C12orf42: variants seen among roughly 807,000 people sequenced by gnomAD.
C12orf42 encodes uncharacterized protein C12orf42.
In C12orf42, 25 loss-of-function variants were observed where a neutral mutation model predicts 21.6. That is an observed-to-expected ratio of 1.16 (90% CI 0.84 to 1.62). The LOEUF (loss-of-function observed/expected upper bound fraction) is 1.62, where lower values mean the gene tolerates loss of function less well. C12orf42 is among the 40% of genes most tolerant of loss of function. The pLI is 0.00. For synonymous variants in C12orf42, 174 were observed against 175.0 expected (o/e 0.99, Z 0.05); for missense variants, 483 against 459.3 (o/e 1.05, Z -0.47).
chr12:103,489,188 C>G (rs1308610975), intron 1 of C12orf42, among the ~76,000 whole-genome samples: 1 of 152,078 alleles, frequency 6.6e-6, no homozygotes, highest in East Asian at 1.9e-4. Flanking sequence ...TTTAGTTTTC[C>G]TTCTAAAAGT....
chr12:103,379,649 T>G (rs2045999094), intron 3 of C12orf42, among the ~76,000 whole-genome samples: 1 of 152,234 alleles, frequency 6.6e-6, no homozygotes, highest in African/African-American at 2.4e-5. Context: ...AATGATTTAT[T>G]ACAATACACT....
intron 2 of C12orf42, among the ~76,000 whole-genome samples, chr12:103,462,173 T>A (rs1952779484): frequency 7.2e-6 from 1 of 139,582 alleles, no homozygotes; most frequent in Non-Finnish European, 1.5e-5. Flanking sequence ...AATGGTGCGA[T>A]CTCCACTCAC....
chr12:103,424,443 G>A (rs552522221), intron 2 of C12orf42, among the ~76,000 whole-genome samples: 22 of 152,296 alleles, frequency 1.4e-4, no homozygotes, highest in South Asian at 1.0e-3. Flanking sequence ...CACAGAAGGC[G>A]GGTGATTTCT....
At chr12:103,199,190 T>C in the C12orf42 span, among the ~76,000 whole-genome samples, 2 of 152,290 alleles carry the variant, frequency 1.3e-5, no homozygotes, top group African/African-American at 4.8e-5. Context: ...TTCACAACAG[T>C]ACCAAGAATA....
chr12:103,159,463 C>T, the C12orf42 span: 1 of 152,220 alleles, frequency 6.6e-6, no homozygotes, highest in African/African-American at 2.4e-5. Context: ...CTTCAGAAAG[C>T]TTCCAGTCTT....
At chr12:103,342,020 G>A (rs188511431) in intron 4 of C12orf42, among the ~76,000 whole-genome samples, 40 of 150,698 alleles carry the variant, frequency 2.7e-4, no homozygotes, top group African/African-American at 9.2e-4. Context: ...TAACAGAATC[G>A]AGAGAGAGAG....
the C12orf42 span, among the ~76,000 whole-genome samples, chr12:103,048,800 T>G: frequency 6.6e-6 from 1 of 152,150 alleles, no homozygotes; most frequent in African/African-American, 2.4e-5. Flanking sequence ...AAAATCAGGA[T>G]TAATTATATT....
chr12:103,505,399 G>T, the C12orf42 span: 1 of 342,154 alleles, frequency 2.9e-6, no homozygotes. Context: ...ACCCCATAGT[G>T]TTGGGTTACA....
At chr12:103,424,442 C>T (rs944800115) in intron 2 of C12orf42, among the ~76,000 whole-genome samples, 1 of 152,162 alleles carries the variant, frequency 6.6e-6, no homozygotes, top group African/African-American at 2.4e-5. Context: ...ACACAGAAGG[C>T]GGGTGATTTC....
the C12orf42 span, among the ~76,000 whole-genome samples, chr12:103,183,500 A>AT: frequency 9.2e-4 from 139 of 150,962 alleles, no homozygotes; most frequent in Admixed American, 2.6e-3. Flanking sequence ...TCAATGTATC[A>AT]TTTTTTTTTG....
chr12:103,208,615 A>G, the C12orf42 span, among the ~76,000 whole-genome samples: 1 of 152,100 alleles, frequency 6.6e-6, no homozygotes, highest in South Asian at 2.1e-4. Context: ...TCTTAGAAAA[A>G]TTTTTCTTGG....
chr12:103,132,946 CT>C, the C12orf42 span, among the ~76,000 whole-genome samples: 1 of 152,184 alleles, frequency 6.6e-6, no homozygotes, highest in African/African-American at 2.4e-5. Context: ...AGCCTTGGGC[CT>C]GAGGCTCACC....
chr12:103,227,558 C>T, the C12orf42 span, among the ~76,000 whole-genome samples: 7 of 151,550 alleles, frequency 4.6e-5, no homozygotes, highest in Admixed American at 1.3e-4. Flanking sequence ...GAAGGAGAAG[C>T]GGTTGAGGGG....
chr12:103,313,209 C>T (rs963895864), intron 4 of C12orf42, among the ~76,000 whole-genome samples: 1 of 152,212 alleles, frequency 6.6e-6, no homozygotes, highest in South Asian at 2.1e-4. Flanking sequence ...TCGATTTCAT[C>T]TCCGGCATAT....
chr12:103,204,526 T>A, the C12orf42 span, among the ~76,000 whole-genome samples: 6 of 152,234 alleles, frequency 3.9e-5, no homozygotes, highest in Non-Finnish European at 7.3e-5. Context: ...TATCCATGTG[T>A]ATTCAATGGT....
At chr12:103,112,521 C>T in the C12orf42 span, among the ~76,000 whole-genome samples, 1 of 152,020 alleles carries the variant, frequency 6.6e-6, no homozygotes, top group African/African-American at 2.4e-5. Context: ...ATTAGCAGAG[C>T]ATGGTGGCAA....
At chr12:103,396,599 T>G (rs554558939) in intron 3 of C12orf42, 1 of 152,388 alleles carries the variant, frequency 6.6e-6, no homozygotes, top group Non-Finnish European at 1.5e-5. Flanking sequence ...AATTAAAATT[T>G]GGACACCATT....
the C12orf42 span, among the ~76,000 whole-genome samples, chr12:103,113,537 G>A: frequency 6.7e-6 from 1 of 148,716 alleles, no homozygotes; most frequent in Non-Finnish European, 1.5e-5. Context: ...TCAACATTTG[G>A]CCATGTCTGG....
At chr12:103,308,441 T>A (rs1176014596) in intron 4 of C12orf42, among the ~76,000 whole-genome samples, 1 of 152,226 alleles carries the variant, frequency 6.6e-6, no homozygotes, top group Non-Finnish European at 1.5e-5. Flanking sequence ...TCAGAAATCA[T>A]CTTCAATTAG....
Sources: gnomAD v4.1 joint callset for allele counts (sites outside exome capture counted in the v4.1 genomes callset) on GRCh38, gnomAD v4.1.1 for gene constraint, MANE v1.5 for transcripts, NCBI Gene and HGNC (gene_info 2026-07-23, HGNC 2026-07-21) for gene names.